UBASH3B: variants seen among roughly 807,000 people sequenced by gnomAD.
The protein encoded by UBASH3B is ubiquitin-associated and SH3 domain-containing protein B.
In UBASH3B, 37 loss-of-function variants were observed where a neutral mutation model predicts 83.4. That is an observed-to-expected ratio of 0.44 (90% CI 0.34 to 0.58). The LOEUF (loss-of-function observed/expected upper bound fraction) is 0.58. Among genes scored for constraint, UBASH3B ranks in the 20% least tolerant of loss-of-function variants. The pLI is 0.01. For missense variants in UBASH3B, 657 were observed against 827.2 expected (o/e 0.79, Z 2.52); for synonymous variants, 304 against 318.3 (o/e 0.96, Z 0.48).
chr11:122,693,557 T>G (rs1863923782), intron 1 of UBASH3B, among the ~76,000 whole-genome samples: 1 of 151,988 alleles, frequency 6.6e-6, no homozygotes, highest in Admixed American at 6.6e-5. Context: ...GGAGGAAAAA[T>G]AAGCCTGTAA....
intron 5 of UBASH3B, among the ~76,000 whole-genome samples, chr11:122,788,571 AAAT>A (rs956023632): frequency 6.6e-6 from 1 of 152,024 alleles, no homozygotes; most frequent in East Asian, 1.9e-4. Flanking sequence ...CTCTATCTCA[AAAT>A]AATAATAATA....
Position 122,772,382 on chromosome 11 carries a change from T to C in UBASH3B, c.162-3837T>C, listed in dbSNP as rs932885031. 4.6e-5 allele frequency among the ~76,000 whole-genome samples: 7 copies of C among 152,134 alleles called. No individual in the cohort carries two copies. In the East Asian group the frequency reaches 1.3e-3, roughly 29 times the overall value. ...ATCCCGTGATAATTCAGGGGTTTTG[T>C]TTTTGGTTTTCATTTGGTTTCCTGA... On this transcript the variant is annotated intron_variant, in intron 1 of 13. Coordinates refer to ENST00000284273, the MANE Select transcript of UBASH3B (RefSeq NM_032873.5).
intron 1 of UBASH3B, among the ~76,000 whole-genome samples, chr11:122,710,570 G>A (rs1438435128): frequency 2.6e-5 from 4 of 152,336 alleles, no homozygotes; most frequent in East Asian, 1.9e-4. Flanking sequence ...CCATCTGGTC[G>A]TGGTATCCTC....
intron 4 of UBASH3B, among the ~76,000 whole-genome samples, chr11:122,781,458 A>G (rs1860851791): frequency 6.6e-6 from 1 of 152,218 alleles, no homozygotes; most frequent in African/African-American, 2.4e-5. Flanking sequence ...GGCCGCACAG[A>G]TTCTTGGAGT....
At chr11:122,702,680 A>G (rs1327812887) in intron 1 of UBASH3B, among the ~76,000 whole-genome samples, 1 of 151,986 alleles carries the variant, frequency 6.6e-6, no homozygotes, top group Non-Finnish European at 1.5e-5. Flanking sequence ...GCATGCTACC[A>G]CACCCGGCAA....
At chr11:122,729,975 TAAAAAA>T (rs34778631) in intron 1 of UBASH3B, among the ~76,000 whole-genome samples, 3 of 27,942 alleles carry the variant, frequency 1.1e-4, no homozygotes, top group Admixed American at 7.0e-4. Context: ...AGACCCTATC[TAAAAAA>T]AAAAAAAAAA....
chr11:122,747,981 C>A (rs1276292081), intron 1 of UBASH3B, among the ~76,000 whole-genome samples: 1 of 152,184 alleles, frequency 6.6e-6, no homozygotes, highest in Non-Finnish European at 1.5e-5. Flanking sequence ...AGTACATACA[C>A]CACGTTACAC....
intron 4 of UBASH3B, 105 bp from the exon 5 acceptor site, chr11:122,782,948 G>A: frequency 7.4e-7 from 1 of 1,355,112 alleles, no homozygotes; most frequent in Admixed American, 2.3e-5. Flanking sequence ...TTTGTTATGT[G>A]GGAAGCAGAA....
chr11:122,771,327 G>A (rs1376847941), intron 1 of UBASH3B, among the ~76,000 whole-genome samples: 2 of 151,844 alleles, frequency 1.3e-5, no homozygotes, highest in African/African-American at 4.8e-5. Flanking sequence ...CCGCCTCCCA[G>A]GTTCAAGTGA....
Position 122,808,226 on chromosome 11 carries a change from C to T in UBASH3B, c.1812+50C>T, listed in dbSNP as rs1861376515. The T allele has an allele frequency of 3.5e-6, 5 of 1,415,760 alleles. No homozygotes were observed. In the East Asian group the frequency reaches 1.1e-4, roughly 32 times the overall value. 87.7% of individuals were successfully genotyped at this position (1,415,760 alleles called of 1,614,324 possible). A position where few individuals can be genotyped will look rare whatever the true frequency, so the allele number is the denominator to read the frequency against. ...TCCGTGATGGCTAGTAGTTTGAAGTCAGTACAGTGACTGGCTGATTACCAA... is the reference window on the plus strand; with the variant it reads ...TCCGTGATGGCTAGTAGTTTGAAGTTAGTACAGTGACTGGCTGATTACCAA... On this transcript the variant is annotated intron_variant, in intron 13 of 13. Transcript: ENST00000284273.
Position 122,806,459 on chromosome 11 carries a change from T to C in UBASH3B, c.1645T>C (p.Tyr549His), listed in dbSNP as rs773168645. 6.2e-7 allele frequency: 1 copy of C among 1,606,938 alleles called. No homozygotes were observed. The highest frequency in any genetic ancestry group is 1.1e-5 in the South Asian group (1 of 88,624). ...KLVVSESYDT[Y>H]ISRSFQVTKE... The stretch of plus-strand genomic sequence containing the variant: ...AGTTGTTTCAGAATCCTATGATACT[T>C]ATATCAGTAGAAGTTTCCAAGTAAC... Residue 549 changes from tyrosine to histidine, a missense_variant, in exon 12 of 14, where the codon TAT (tyrosine) becomes CAT (histidine). Around this residue, in one of 3 missense-constraint regions of UBASH3B, gnomAD observed 573 missense variants for 739.0 expected, o/e 0.78. Coordinates refer to ENST00000284273, the MANE Select transcript of UBASH3B (RefSeq NM_032873.5). This position sits in a 1 kb window ranked among gnomAD's most constrained non-coding sequence, Gnocchi z 4.0.
chr11:122,671,437 C>G (rs1181633269), intron 1 of UBASH3B, among the ~76,000 whole-genome samples: 1 of 152,190 alleles, frequency 6.6e-6, no homozygotes, highest in African/African-American at 2.4e-5. Flanking sequence ...TCAAGATACC[C>G]TCCTGGGACG....
chr11:122,735,557 T>C (rs969486325), intron 1 of UBASH3B, among the ~76,000 whole-genome samples: 1 of 152,190 alleles, frequency 6.6e-6, no homozygotes, highest in Non-Finnish European at 1.5e-5. Context: ...GAAAAAGACA[T>C]TGCCCTGTCC....
At chr11:122,796,008 T>C (rs1237869014) in intron 7 of UBASH3B, 148 bp from the exon 8 acceptor site, 3 of 896,374 alleles carry the variant, frequency 3.3e-6, no homozygotes, top group Non-Finnish European at 5.2e-6. Flanking sequence ...AAATAACTTA[T>C]GAGGTCTGTA....
At chr11:122,785,074 A>G (rs1163206626) in intron 5 of UBASH3B, among the ~76,000 whole-genome samples, 1 of 152,160 alleles carries the variant, frequency 6.6e-6, no homozygotes, top group Admixed American at 6.5e-5. Flanking sequence ...TTTACAAGGA[A>G]TATCCTCTAA....
At chr11:122,659,949 G>A (rs1192445218) in intron 1 of UBASH3B, among the ~76,000 whole-genome samples, 1 of 152,170 alleles carries the variant, frequency 6.6e-6, no homozygotes, top group Admixed American at 6.5e-5. Flanking sequence ...AGCAAGGCTG[G>A]ATCCCACCCA....
intron 5 of UBASH3B, among the ~76,000 whole-genome samples, chr11:122,786,027 TTTTTTG>T (rs879772647): frequency 1.4e-4 from 21 of 151,970 alleles, no homozygotes; most frequent in Middle Eastern, 3.4e-3. Context: ...ATTCAAGAGG[TTTTTTG>T]TTTTTGTTTT....
intron 1 of UBASH3B, among the ~76,000 whole-genome samples, chr11:122,692,873 G>C (rs531394206): frequency 2.0e-5 from 3 of 152,200 alleles, no homozygotes; most frequent in Admixed American, 6.5e-5. Flanking sequence ...ATAAGTGTCC[G>C]AGTGAAGAGA....
At chr11:122,734,374 T>TTTC in intron 1 of UBASH3B, among the ~76,000 whole-genome samples, 3 of 152,266 alleles carry the variant, frequency 2.0e-5, no homozygotes, top group Admixed American at 2.0e-4. Flanking sequence ...CAGACGGGGA[T>TTTC]TCCCAAGGAG....
Sources: allele counts gnomAD v4.1 joint callset (sites outside exome capture counted in the v4.1 genomes callset), GRCh38; gene constraint gnomAD v4.1.1; regional missense constraint gnomAD v4.1.1; non-coding constraint Gnocchi (gnomAD v3.1); transcripts MANE v1.5; gene names NCBI Gene and HGNC (gene_info 2026-07-23, HGNC 2026-07-21).